The following LRRTM4 variants were observed in gnomAD, a reference collection of about 807,000 sequenced individuals.
LRRTM4 encodes leucine-rich repeat transmembrane neuronal protein 4.
A neutral mutation model predicts 47.6 loss-of-function variants in LRRTM4; 25 were observed. The ratio of observed to expected loss-of-function variants is 0.53; its 90% CI spans 0.38 to 0.73. LRRTM4 has a LOEUF of 0.73. Ranked by LOEUF, LRRTM4 falls within the 30% of genes least tolerant of loss-of-function variation. The probability of loss-of-function intolerance (pLI) is 0.00; values close to 1 mark genes in which losing one functional copy is unlikely to be tolerated. For missense variants in LRRTM4, 638 were observed against 713.4 expected, an observed-to-expected ratio of 0.89 and a Z score of 1.20; for synonymous variants, 311 against 269.5, an observed-to-expected ratio of 1.15 and a Z score of -1.51.
intron 3 of LRRTM4, among the ~76,000 whole-genome samples, chr2:76,968,377 T>C (rs1251304444): frequency 5.0e-4 from 65 of 130,618 alleles, no homozygotes; most frequent in African/African-American, 1.7e-3. Flanking sequence ...TATATATATA[T>C]ATATATACAC....
At chr2:77,267,750 C>G in intron 3 of LRRTM4, among the ~76,000 whole-genome samples, 1 of 139,008 alleles carries the variant, frequency 7.2e-6, no homozygotes, top group African/African-American at 2.7e-5. Flanking sequence ...CTAGTTTGGA[C>G]TATACATTTT....
At chr2:77,278,430 T>A (rs1245004450) in intron 3 of LRRTM4, among the ~76,000 whole-genome samples, 1 of 151,948 alleles carries the variant, frequency 6.6e-6, no homozygotes, top group African/African-American at 2.4e-5. Context: ...TGTCCGTGAA[T>A]GTTGATCAGT....
intron 3 of LRRTM4, among the ~76,000 whole-genome samples, chr2:76,978,129 G>C (rs1676479133): frequency 6.6e-6 from 1 of 151,950 alleles, no homozygotes; most frequent in Non-Finnish European, 1.5e-5. Flanking sequence ...CCCTCTCATA[G>C]TTTTCTTTCT....
At chr2:77,452,859 G>A (rs1406453716) in intron 3 of LRRTM4, among the ~76,000 whole-genome samples, 1 of 152,090 alleles carries the variant, frequency 6.6e-6, no homozygotes, top group Non-Finnish European at 1.5e-5. Flanking sequence ...CACTGGAAAA[G>A]CTGAAACATA....
At chr2:77,253,749 G>T (rs1675685455) in intron 3 of LRRTM4, among the ~76,000 whole-genome samples, 1 of 151,880 alleles carries the variant, frequency 6.6e-6, no homozygotes, top group African/African-American at 2.4e-5. Context: ...ATATAAAAAA[G>T]AATATGAAGA....
chr2:77,257,759 G>C (rs1675809249), intron 3 of LRRTM4, among the ~76,000 whole-genome samples: 1 of 150,068 alleles, frequency 6.7e-6, no homozygotes, highest in Non-Finnish European at 1.5e-5. Context: ...AATCCAATTA[G>C]AAAATGGAGA....
intron 3 of LRRTM4, among the ~76,000 whole-genome samples, chr2:77,061,890 G>A (rs1038355586): frequency 1.1e-4 from 16 of 151,966 alleles, no homozygotes; most frequent in African/African-American, 3.9e-4. Context: ...GACTTTCAAA[G>A]TCATCTACAT....
chr2:76,905,164 C>A (rs906566078), intron 3 of LRRTM4, among the ~76,000 whole-genome samples: 3 of 152,104 alleles, frequency 2.0e-5, no homozygotes, highest in Admixed American at 6.6e-5. Flanking sequence ...TCCAGAGGAA[C>A]GATCAGACAG....
At chr2:77,505,950 GAAGAGAGAGCGATACAA>G (rs1678751610) in intron 3 of LRRTM4, among the ~76,000 whole-genome samples, 1 of 151,478 alleles carries the variant, frequency 6.6e-6, no homozygotes, top group African/African-American at 2.4e-5. Flanking sequence ...TGTGTTCAGG[GAAGAGAGAGCGATACAA>G]AAATCTCATT....
chr2:77,373,084 A>ATAT (rs1553435852), intron 3 of LRRTM4, among the ~76,000 whole-genome samples: 51 of 127,226 alleles, frequency 4.0e-4, no homozygotes, highest in African/African-American at 1.5e-3. Flanking sequence ...ACAATTAAAA[A>ATAT]AAAAATATAT....
intron 3 of LRRTM4, among the ~76,000 whole-genome samples, chr2:77,029,121 T>C (rs952170921): frequency 6.7e-6 from 1 of 149,472 alleles, no homozygotes; most frequent in South Asian, 2.1e-4. Flanking sequence ...GAGTCACCTT[T>C]GCAGACAGTA....
intron 3 of LRRTM4, among the ~76,000 whole-genome samples, chr2:77,113,253 G>A (rs1258023250): frequency 6.6e-6 from 1 of 152,124 alleles, no homozygotes; most frequent in Non-Finnish European, 1.5e-5. Context: ...TAAATGCTGA[G>A]ATGGGGTTAG....
chr2:76,786,943 CTGTT>C (rs777626354), intron 3 of LRRTM4, among the ~76,000 whole-genome samples: 1 of 151,964 alleles, frequency 6.6e-6, no homozygotes, highest in Non-Finnish European at 1.5e-5. Context: ...CAATGAAAAG[CTGTT>C]TGTTAGGCAC....
chr2:77,205,420 C>T (rs1006642397), intron 3 of LRRTM4, among the ~76,000 whole-genome samples: 11 of 152,118 alleles, frequency 7.2e-5, no homozygotes, highest in Non-Finnish European at 1.2e-4. Context: ...GGCCTGAGGA[C>T]ATGGCATCTT....
At chr2:76,787,213 G>T (rs1390375288) in intron 3 of LRRTM4, among the ~76,000 whole-genome samples, 1 of 152,022 alleles carries the variant, frequency 6.6e-6, no homozygotes, top group East Asian at 1.9e-4. Context: ...AAAATGATCT[G>T]GGAAACATGT....
chr2:77,198,292 T>C (rs1011788393), intron 3 of LRRTM4, among the ~76,000 whole-genome samples: 1 of 152,186 alleles, frequency 6.6e-6, no homozygotes, highest in African/African-American at 2.4e-5. Context: ...CACCACTTAC[T>C]GGCCAGAACA....
At chr2:77,495,416 C>T (rs1678323786) in intron 3 of LRRTM4, among the ~76,000 whole-genome samples, 1 of 151,984 alleles carries the variant, frequency 6.6e-6, no homozygotes, top group South Asian at 2.1e-4. Flanking sequence ...CAGTTTATCG[C>T]TTTGTTGTTT....
chr2:77,204,663 A>G lies in LRRTM4; in HGVS notation c.1551+313655T>C, dbSNP rs74409865. On this transcript the variant is annotated intron_variant, in intron 3 of 3. Transcript: ENST00000409884. ...CATGATATTCTGCCATTCCCAAATC[A>G]TAACACTTTCTGTGATTCATTGTTA... 6.6e-5 allele frequency among the ~76,000 whole-genome samples: 10 copies of G among 152,272 alleles called. No individual in the cohort carries two copies. In the South Asian group the frequency reaches 1.0e-3, roughly 16 times the overall value.
intron 3 of LRRTM4, among the ~76,000 whole-genome samples, chr2:76,905,665 G>A (rs921107784): frequency 0.08 from 4 of 50 alleles, no homozygotes; most frequent in African/African-American, 0.33. Flanking sequence ...AGCTGACTGA[G>A]CTGAAACCAA....
Sources: gnomAD v4.1 joint callset for allele counts (sites outside exome capture counted in the v4.1 genomes callset) on GRCh38, gnomAD v4.1.1 for gene constraint, MANE v1.5 for transcripts, NCBI Gene and HGNC (gene_info 2026-07-23, HGNC 2026-07-21) for gene names.